Variants in ITPRID1 observed in about 807,000 individuals in gnomAD.
The protein encoded by ITPRID1 is ITPR interacting domain containing 1.
In ITPRID1, 96 loss-of-function variants were observed where a neutral mutation model predicts 95.4. The observed-to-expected ratio is 1.01, with a 90% CI of 0.85 to 1.19. ITPRID1 has a LOEUF of 1.19. Among genes scored for constraint, ITPRID1 ranks in the 50% most tolerant of loss-of-function variants. ITPRID1 has a pLI of 0.00. For missense variants in ITPRID1, 1,339 were observed against 1,252.9 expected (o/e 1.07, Z -1.04); for synonymous variants, 510 against 453.6 (o/e 1.12, Z -1.58).
chr7:31,651,902 T>C, intron 13 of ITPRID1, 37 bp from the exon 14 acceptor site: 1 of 1,432,202 alleles, frequency 7.0e-7, no homozygotes, highest in Non-Finnish European at 9.6e-7. Context: ...CTGGGAAGGA[T>C]TGTTAAATTT....
At chr7:31,557,266 C>T (rs1210826733) in intron 5 of ITPRID1, among the ~76,000 whole-genome samples, 2 of 152,058 alleles carry the variant, frequency 1.3e-5, no homozygotes, top group Non-Finnish European at 2.9e-5. Flanking sequence ...TTAATCACTT[C>T]TGAGGCTTTG....
chr7:31,598,687 G>A (rs1054278417), intron 10 of ITPRID1, among the ~76,000 whole-genome samples: 5 of 152,082 alleles, frequency 3.3e-5, no homozygotes, highest in African/African-American at 1.2e-4. Flanking sequence ...ACAGGCGTGA[G>A]CCACCGCGCT....
In ITPRID1 at chr7:31,642,132, C is replaced by A. The variant is rs202103750; in HGVS notation, c.1229-44C>A. On this transcript the variant is annotated intron_variant, in intron 10 of 14. Coordinates refer to ENST00000615280, the MANE Select transcript of ITPRID1 (RefSeq NM_001257967.3). ...GGGTTGATCCAAGTCCTGCTGGCTG[C>A]GTGTTTTCCCTTTAATAACCTCAAG... The A allele has an allele frequency of 7.8e-6, 11 of 1,418,594 alleles. No homozygotes were observed. In the African/African-American group the frequency reaches 1.1e-4, roughly 15 times the overall value. The allele number at this position is 1,418,594 out of a possible 1,614,324, so 87.9% of individuals were successfully genotyped here.
In ITPRID1 at chr7:31,643,136, T is replaced by G. The variant is rs1337812302; in HGVS notation, c.1766T>G (p.Val589Gly). 1 of 1,613,856 alleles carries G rather than the reference T, an allele frequency of 6.2e-7. No individual in the cohort carries two copies. Among genetic ancestry groups the G allele is most frequent in the South Asian group, 1.1e-5 (1 of 91,076 alleles). Residue 589 changes from valine (V) to glycine (G), a missense_variant, in exon 12 of 15, where the codon GTG becomes GGG. Transcript: ENST00000615280. ...SFVRPEGAGK[V>G]QSHHNESQRS... ...GTGAGGCCTGAGGGAGCTGGCAAAG[T>G]GCAAAGCCACCACAATGAGTCTCAA... is the stretch of plus-strand genomic sequence containing the variant.
chr7:31,615,138 C>G (rs1405611915), intron 10 of ITPRID1, among the ~76,000 whole-genome samples: 4 of 152,030 alleles, frequency 2.6e-5, no homozygotes, highest in Non-Finnish European at 5.9e-5. Flanking sequence ...GAACTTAGTC[C>G]TTAGAAACAA....
intron 1 of ITPRID1, among the ~76,000 whole-genome samples, chr7:31,521,982 G>A (rs1456330981): frequency 6.7e-6 from 1 of 149,532 alleles, no homozygotes; most frequent in Non-Finnish European, 1.5e-5. Flanking sequence ...TATAAGGATA[G>A]GAGTGACAAC....
At chr7:31,549,554 T>C (rs932736878) in intron 2 of ITPRID1, 55 bp downstream of exon 2, 56 of 1,290,666 alleles carry the variant, frequency 4.3e-5, no homozygotes, top group Non-Finnish European at 5.6e-5. Flanking sequence ...CCATAAAGTG[T>C]TTATTTCATA....
At chr7:31,620,161 G>A (rs1787700160) in intron 10 of ITPRID1, among the ~76,000 whole-genome samples, 2 of 152,156 alleles carry the variant, frequency 1.3e-5, no homozygotes, top group Admixed American at 1.3e-4. Context: ...GCCTCTGCAG[G>A]CTCCACCTCT....
intron 10 of ITPRID1, among the ~76,000 whole-genome samples, chr7:31,638,271 G>A (rs1306222626): frequency 2.6e-5 from 4 of 152,274 alleles, no homozygotes; most frequent in East Asian, 1.9e-4. Flanking sequence ...AGGCAGTGAA[G>A]TCTTAAATAT....
intron 5 of ITPRID1, among the ~76,000 whole-genome samples, chr7:31,561,759 C>A (rs1448384972): frequency 6.6e-6 from 1 of 152,126 alleles, no homozygotes; most frequent in Non-Finnish European, 1.5e-5. Flanking sequence ...TCATGGGCAT[C>A]CTTCAACTTC....
chr7:31,523,640 G>A (rs530265227), intron 1 of ITPRID1, among the ~76,000 whole-genome samples: 32 of 152,288 alleles, frequency 2.1e-4, no homozygotes, highest in African/African-American at 7.0e-4. Flanking sequence ...ATTCTCAAGC[G>A]ATCTGGTTGT....
intron 1 of ITPRID1, among the ~76,000 whole-genome samples, chr7:31,527,118 C>T (rs1012473317): frequency 7.9e-5 from 12 of 152,240 alleles, no homozygotes; most frequent in African/African-American, 2.9e-4. Context: ...ACCTTTGCAC[C>T]TTTGCACATG....
At chr7:31,641,310 C>T (rs2041365) in intron 10 of ITPRID1, among the ~76,000 whole-genome samples, 109,131 of 151,988 alleles carry the variant, frequency 0.72, 39,836 homozygotes, top group East Asian at 0.84. Flanking sequence ...AACTGTTTCC[C>T]CTTAATTCAC....
intron 9 of ITPRID1, among the ~76,000 whole-genome samples, chr7:31,580,298 C>CAAAA (rs11394739): frequency 7.9e-6 from 1 of 126,870 alleles, no homozygotes; most frequent in Non-Finnish European, 1.6e-5. Context: ...AACTCTGTCT[C>CAAAA]AAAAAAAAAA....
At chr7:31,646,081 G>A (rs1039474251) in intron 12 of ITPRID1, among the ~76,000 whole-genome samples, 12 of 152,162 alleles carry the variant, frequency 7.9e-5, no homozygotes, top group Admixed American at 2.0e-4. Flanking sequence ...TGCACATCCC[G>A]AAAAAAGATT....
intron 1 of ITPRID1, among the ~76,000 whole-genome samples, chr7:31,534,195 C>G (rs953793335): frequency 2.0e-5 from 3 of 152,174 alleles, no homozygotes; most frequent in Admixed American, 2.0e-4. Flanking sequence ...TTCCACCAAA[C>G]CAGTCCCTGG....
At chr7:31,579,532 C>A (rs1197382876) in intron 9 of ITPRID1, among the ~76,000 whole-genome samples, 1 of 152,156 alleles carries the variant, frequency 6.6e-6, no homozygotes. Flanking sequence ...TACAGATACA[C>A]TTTACATCAC....
intron 1 of ITPRID1, among the ~76,000 whole-genome samples, chr7:31,526,763 ATAACTCACT>A (rs757716023): frequency 2.0e-5 from 3 of 152,056 alleles, no homozygotes; most frequent in Non-Finnish European, 4.4e-5. Context: ...TAGTTCTAAA[ATAACTCACT>A]TATCTACATT....
At chr7:31,590,224 A>G (rs1346682712) in intron 10 of ITPRID1, among the ~76,000 whole-genome samples, 3 of 152,160 alleles carry the variant, frequency 2.0e-5, no homozygotes, top group Non-Finnish European at 4.4e-5. Flanking sequence ...ACATGCCACC[A>G]TGCCCAGCTA....
Sources: gnomAD v4.1 joint callset for allele counts (sites outside exome capture counted in the v4.1 genomes callset) on GRCh38, gnomAD v4.1.1 for gene constraint, MANE v1.5 for transcripts, NCBI Gene and HGNC (gene_info 2026-07-23, HGNC 2026-07-21) for gene names.